Variants in OPCML observed in about 807,000 individuals in gnomAD.
OPCML encodes opioid binding protein/cell adhesion molecule like, also known as opioid-binding protein/cell adhesion molecule.
OPCML carries 13 observed loss-of-function variants against 37.8 expected under a neutral mutation model. The ratio of observed to expected loss-of-function variants is 0.34; its 90% CI spans 0.22 to 0.55. OPCML has a LOEUF of 0.55. Among genes scored for constraint, OPCML ranks in the 20% least tolerant of loss-of-function variants. OPCML has a pLI of 0.91. For missense variants in OPCML, 341 were observed against 435.6 expected (o/e 0.78, Z 1.93); for synonymous variants, 176 against 168.8 (o/e 1.04, Z -0.33).
At chr11:133,089,881 C>T (rs1409346538) in intron 1 of OPCML, among the ~76,000 whole-genome samples, 2 of 152,124 alleles carry the variant, frequency 1.3e-5, no homozygotes, top group Non-Finnish European at 2.9e-5. Flanking sequence ...GCTTATTGAG[C>T]ACATGCCACG....
At chr11:133,186,667 T>G (rs936706438) in intron 1 of OPCML, among the ~76,000 whole-genome samples, 6 of 152,180 alleles carry the variant, frequency 3.9e-5, no homozygotes, top group Non-Finnish European at 7.3e-5. Flanking sequence ...GACATGTATA[T>G]TATGCACAGG....
intron 1 of OPCML, among the ~76,000 whole-genome samples, chr11:133,042,893 T>A (rs1180892839): frequency 6.6e-6 from 1 of 152,122 alleles, no homozygotes; most frequent in East Asian, 1.9e-4. Context: ...ATCAACCTGC[T>A]ACTGTAATTT....
intron 3 of OPCML, among the ~76,000 whole-genome samples, chr11:132,633,395 C>T (rs1057381315): frequency 1.3e-5 from 2 of 152,004 alleles, no homozygotes; most frequent in African/African-American, 4.8e-5. Context: ...ACTTGAGAGA[C>T]AAACAGGGAG....
chr11:133,004,823 T>A, intron 1 of OPCML: 1 of 985,370 alleles, frequency 1.0e-6, no homozygotes, highest in Non-Finnish European at 1.2e-6. Context: ...CCCCTCTCCA[T>A]CTACGGGAGT....
chr11:133,294,329 G>A (rs140690610), intron 1 of OPCML, among the ~76,000 whole-genome samples: 113 of 152,238 alleles, frequency 7.4e-4, no homozygotes, highest in South Asian at 3.7e-3. Context: ...GGCTGAAGTC[G>A]CAAGGCTATA....
At chr11:133,494,436 G>T (rs946047201) in intron 1 of OPCML, among the ~76,000 whole-genome samples, 3 of 151,612 alleles carry the variant, frequency 2.0e-5, no homozygotes, top group Non-Finnish European at 4.4e-5. Flanking sequence ...GTTTATTGCG[G>T]CACTATTCAC....
At chr11:132,655,551 G>A (rs1941663333) in intron 3 of OPCML, among the ~76,000 whole-genome samples, 1 of 152,264 alleles carries the variant, frequency 6.6e-6, no homozygotes, top group African/African-American at 2.4e-5. Context: ...CGCAGCATCT[G>A]TAGATGTCTG....
At chr11:133,098,974 G>A (rs1949046020) in intron 1 of OPCML, among the ~76,000 whole-genome samples, 1 of 152,102 alleles carries the variant, frequency 6.6e-6, no homozygotes, top group Non-Finnish European at 1.5e-5. Flanking sequence ...ATTATAGCAA[G>A]GTTACAGGAT....
chr11:132,518,285 T>A (rs539739790), intron 4 of OPCML, among the ~76,000 whole-genome samples: 219 of 152,262 alleles, frequency 1.4e-3, no homozygotes, highest in African/African-American at 5.2e-3. Context: ...GCCCATGTAT[T>A]CTCATTGTTC....
chr11:132,521,072 T>A (rs1003983282), intron 4 of OPCML, among the ~76,000 whole-genome samples: 1 of 152,162 alleles, frequency 6.6e-6, no homozygotes, highest in Non-Finnish European at 1.5e-5. Flanking sequence ...TAATTGCCAT[T>A]CTGACTGGCA....
intron 2 of OPCML, among the ~76,000 whole-genome samples, chr11:132,784,912 C>A (rs1285303921): frequency 6.6e-6 from 1 of 152,138 alleles, no homozygotes; most frequent in African/African-American, 2.4e-5. Context: ...AACCATGAGT[C>A]AAATAAACCT....
At chr11:132,894,825 C>T (rs921530311) in intron 2 of OPCML, among the ~76,000 whole-genome samples, 2 of 152,216 alleles carry the variant, frequency 1.3e-5, no homozygotes, top group African/African-American at 4.8e-5. Context: ...ACCCCCACTC[C>T]TACCCCAGGT....
At chr11:132,998,455 C>A (rs766148439) in intron 1 of OPCML, among the ~76,000 whole-genome samples, 1 of 152,150 alleles carries the variant, frequency 6.6e-6, no homozygotes, top group Non-Finnish European at 1.5e-5. Context: ...GTTTTTCTGT[C>A]TACTCTAAAG....
intron 3 of OPCML, among the ~76,000 whole-genome samples, chr11:132,585,486 C>T (rs1458301870): frequency 1.3e-5 from 2 of 152,144 alleles, no homozygotes; most frequent in African/African-American, 4.8e-5. Context: ...ATGAATGACT[C>T]CATTTTGGCT....
intron 3 of OPCML, among the ~76,000 whole-genome samples, chr11:132,591,322 A>AT (rs1220938603): frequency 6.6e-6 from 1 of 152,170 alleles, no homozygotes; most frequent in Non-Finnish European, 1.5e-5. Flanking sequence ...ACACAAAGCC[A>AT]TTTTTTCTCT....
Position 132,836,030 on chromosome 11 carries a change from T to C in OPCML, c.146+106896A>G, listed in dbSNP as rs146631772. Among the ~76,000 whole-genome samples, 655 of 152,316 alleles carry C rather than the reference T, an allele frequency of 4.3e-3. 3 individuals are homozygous for C. The highest frequency in any genetic ancestry group is 0.015 in the African/African-American group (635 of 41,560). On this transcript the variant is annotated intron_variant, in intron 2 of 7. Coordinates refer to ENST00000524381, the MANE Select transcript of OPCML (RefSeq NM_001012393.5). The stretch of plus-strand genomic sequence containing the variant: ...CGCTCTCTAAAATTGGATCCCAGCA[T>C]GCCCATCCATGTGCTGAATACTGGT...
chr11:133,094,886 TATA>T (rs1948973822), intron 1 of OPCML, among the ~76,000 whole-genome samples: 1 of 152,144 alleles, frequency 6.6e-6, no homozygotes, highest in South Asian at 2.1e-4. Flanking sequence ...AGTACTGGGA[TATA>T]ATATTAAAAT....
chr11:132,740,551 G>C (rs1239505971), intron 2 of OPCML, among the ~76,000 whole-genome samples: 1 of 152,146 alleles, frequency 6.6e-6, no homozygotes, highest in Admixed American at 6.5e-5. Flanking sequence ...GGTCTGGGGA[G>C]CCCTCTCAGT....
At chr11:133,344,073 C>G (rs774070247) in intron 1 of OPCML, among the ~76,000 whole-genome samples, 1 of 152,354 alleles carries the variant, frequency 6.6e-6, no homozygotes, top group South Asian at 2.1e-4. Context: ...AGACTCTCCA[C>G]TCCCACCCAC....
Sources: allele counts gnomAD v4.1 joint callset (sites outside exome capture counted in the v4.1 genomes callset), GRCh38; gene constraint gnomAD v4.1.1; transcripts MANE v1.5; gene names NCBI Gene and HGNC (gene_info 2026-07-23, HGNC 2026-07-21).